The following PTK2 variants were observed in gnomAD, a reference collection of about 807,000 sequenced individuals.
PTK2 encodes the protein protein tyrosine kinase 2.
In PTK2, 45 loss-of-function variants were observed where a neutral mutation model predicts 150.1. The ratio of observed to expected loss-of-function variants is 0.30; its 90% CI spans 0.24 to 0.38. The LOEUF is 0.38. PTK2 is among the 10% of genes least tolerant of loss of function. The pLI is 1.00. For synonymous variants in PTK2, 432 were observed against 449.2 expected (o/e 0.96, Z 0.48); for missense variants, 919 against 1,307.3 (o/e 0.70, Z 4.58).
intron 5 of PTK2, among the ~76,000 whole-genome samples, chr8:140,855,307 G>A (rs1004013084): frequency 6.6e-6 from 1 of 152,088 alleles, no homozygotes; most frequent in African/African-American, 2.4e-5. Context: ...AAAAAAAAGG[G>A]GGGGGTCGCC....
chr8:140,929,014 G>A (rs893223443), intron 1 of PTK2, among the ~76,000 whole-genome samples: 1 of 121,782 alleles, frequency 8.2e-6, no homozygotes, highest in African/African-American at 3.2e-5. Context: ...CGCCCAGGCT[G>A]GAGTGCAGTG....
chr8:140,858,842 A>G lies in PTK2; in HGVS notation c.450+5470T>C, dbSNP rs557389731. On this transcript the variant is annotated intron_variant, in intron 5 of 31. Coordinates refer to ENST00000522684, the Ensembl canonical transcript of PTK2. ...TATCTAAATATGTGCAAGGTGATGA[A>G]ACAAGTCCATACGGAACTTAAACAA... 3.3e-5 allele frequency among the ~76,000 whole-genome samples: 5 copies of G among 152,362 alleles called. No homozygotes were observed. The East Asian group carries it at 7.7e-4, about 23-fold the overall frequency.
chr8:140,854,044 T>C (rs967378502), intron 5 of PTK2, among the ~76,000 whole-genome samples: 3 of 152,204 alleles, frequency 2.0e-5, no homozygotes, highest in Non-Finnish European at 4.4e-5. Flanking sequence ...AAGAAATAAG[T>C]ATGCCCTGGC....
chr8:141,000,775 C>A (rs1319115625), intron 1 of PTK2: 2 of 148,920 alleles, frequency 1.3e-5, no homozygotes, highest in African/African-American at 5.0e-5. Context: ...AACCCCCGAC[C>A]TCCTCGAGCT....
At chr8:140,819,984 T>C (rs896957923) in intron 8 of PTK2, among the ~76,000 whole-genome samples, 2 of 148,164 alleles carry the variant, frequency 1.3e-5, no homozygotes, top group African/African-American at 5.0e-5. Context: ...GGCAAGAGAA[T>C]GTAGGCCATA....
exon 32 of PTK2, chr8:140,659,661 C>T (rs1425011611): frequency 1.2e-6 from 2 of 1,613,944 alleles, no homozygotes; most frequent in East Asian, 2.2e-5. Flanking sequence ...AGTTCAATAG[C>T]TTCTGTGCCA....
chr8:140,705,986 C>G, intron 24 of PTK2, 133 bp downstream of exon 27: 1 of 654,682 alleles, frequency 1.5e-6, no homozygotes, highest in Non-Finnish European at 2.5e-6. Context: ...ATTAGGGTAA[C>G]CACTTTCTCA....
chr8:140,712,095 G>A (rs910330640), intron 23 of PTK2, among the ~76,000 whole-genome samples: 1 of 151,660 alleles, frequency 6.6e-6, no homozygotes, highest in Non-Finnish European at 1.5e-5. Context: ...AAGAGTTTTT[G>A]TTTATTTGGA....
chr8:140,919,309 A>G (rs1404821631), intron 2 of PTK2, among the ~76,000 whole-genome samples: 2 of 152,226 alleles, frequency 1.3e-5, no homozygotes, highest in African/African-American at 4.8e-5. Context: ...AGTTGTACTC[A>G]TTTGCTCTGA....
intron 1 of PTK2, among the ~76,000 whole-genome samples, chr8:140,980,187 A>G (rs1259357577): frequency 6.6e-6 from 1 of 152,268 alleles, no homozygotes; most frequent in East Asian, 1.9e-4. Flanking sequence ...CCAACTGCCC[A>G]TCAATTGTAG....
chr8:140,951,394 T>C (rs1164288622), intron 1 of PTK2, among the ~76,000 whole-genome samples: 2 of 152,188 alleles, frequency 1.3e-5, no homozygotes, highest in Non-Finnish European at 2.9e-5. Context: ...AAGGGACCTA[T>C]ATCTCAGCAT....
chr8:140,771,365 T>C (rs2100075401), intron 14 of PTK2: 1 of 152,236 alleles, frequency 6.6e-6, no homozygotes, highest in South Asian at 2.1e-4. Context: ...TGCTCACTCA[T>C]TCATGTACTC....
intron 7 of PTK2, among the ~76,000 whole-genome samples, chr8:140,838,278 A>G (rs1440519475): frequency 6.6e-6 from 1 of 152,202 alleles, no homozygotes; most frequent in African/African-American, 2.4e-5. Context: ...AAGAAATATA[A>G]ATTTCTAAAT....
chr8:140,870,858 G>A (rs529366820), intron 4 of PTK2, among the ~76,000 whole-genome samples: 11 of 151,940 alleles, frequency 7.2e-5, no homozygotes, highest in Non-Finnish European at 1.0e-4. Flanking sequence ...ACAACTTTTG[G>A]TTATATTTTA....
At chr8:140,892,636 TA>T (rs374677357) in intron 2 of PTK2, 20,101 of 315,118 alleles carry the variant, frequency 0.064, 41 homozygotes, top group South Asian at 0.095. Context: ...TCCAATTAGT[TA>T]AAAAAAAAAA....
chr8:140,936,317 T>C (rs998999227), intron 1 of PTK2, among the ~76,000 whole-genome samples: 2 of 152,098 alleles, frequency 1.3e-5, no homozygotes, highest in African/African-American at 2.4e-5. Flanking sequence ...AAGACAAACA[T>C]GTACTGTATA....
chr8:140,772,491 G>A (rs2100076077), intron 14 of PTK2, among the ~76,000 whole-genome samples: 1 of 152,220 alleles, frequency 6.6e-6, no homozygotes, highest in Admixed American at 6.5e-5. Flanking sequence ...GGAGGCTGGG[G>A]AAGGGAAAGA....
At chr8:140,923,397 C>G (rs1305499234) in intron 2 of PTK2, among the ~76,000 whole-genome samples, 31 of 152,188 alleles carry the variant, frequency 2.0e-4, no homozygotes, top group Non-Finnish European at 4.6e-4. Flanking sequence ...AGTGAAGCAG[C>G]TACTTCCCTA....
chr8:140,842,194 A>C (rs2100122743), intron 7 of PTK2, among the ~76,000 whole-genome samples: 2 of 152,068 alleles, frequency 1.3e-5, no homozygotes, highest in Non-Finnish European at 2.9e-5. Flanking sequence ...GAGTTGAAGA[A>C]ATTTTCTTAT....
Sources: allele counts gnomAD v4.1 joint callset (sites outside exome capture counted in the v4.1 genomes callset), GRCh38; gene constraint gnomAD v4.1.1; transcripts MANE v1.5; gene names NCBI Gene and HGNC (gene_info 2026-07-23, HGNC 2026-07-21).